B3GALT1: variants seen among roughly 807,000 people sequenced by gnomAD.
The protein encoded by B3GALT1 is UDP-Gal:betaGlcNAc beta 1,3-galactosyltransferase, polypeptide 1.
Under a neutral mutation model 23.2 loss-of-function variants are expected in B3GALT1, and 10 were observed. That is an observed-to-expected ratio of 0.43 (90% CI 0.27 to 0.73). The LOEUF is 0.73. B3GALT1 is among the 30% of genes least tolerant of loss of function. The pLI, the probability that B3GALT1 is intolerant of heterozygous loss-of-function variation, is 0.21. For missense variants in B3GALT1, 299 were observed against 405.4 expected, an observed-to-expected ratio of 0.74 and a Z score of 2.25; for synonymous variants, 156 against 141.5, an observed-to-expected ratio of 1.10 and a Z score of -0.73.
chr2:167,637,098 C>G (rs183305677), intron 2 of B3GALT1, among the ~76,000 whole-genome samples: 1 of 152,116 alleles, frequency 6.6e-6, no homozygotes, highest in East Asian at 1.9e-4. Flanking sequence ...GATATTTTGG[C>G]TCTCACCCAT....
At chr2:167,415,033 C>G (rs1226267834) in intron 1 of B3GALT1, among the ~76,000 whole-genome samples, 1 of 152,134 alleles carries the variant, frequency 6.6e-6, no homozygotes, top group Non-Finnish European at 1.5e-5. Flanking sequence ...TGTAGCAACT[C>G]GAATGAGATA....
intron 1 of B3GALT1, among the ~76,000 whole-genome samples, chr2:167,489,719 C>A (rs1326131436): frequency 6.6e-6 from 1 of 151,922 alleles, no homozygotes; most frequent in Non-Finnish European, 1.5e-5. Context: ...AGATTAGGAA[C>A]CAAATGTGTT....
At chr2:167,811,722 G>A (rs1049255579) in intron 3 of B3GALT1, among the ~76,000 whole-genome samples, 3 of 152,150 alleles carry the variant, frequency 2.0e-5, no homozygotes, top group South Asian at 2.1e-4. Context: ...TCTTCTGGGG[G>A]CTGCTGCAGC....
intron 1 of B3GALT1, among the ~76,000 whole-genome samples, chr2:167,412,008 A>G (rs919636848): frequency 2.0e-5 from 3 of 152,126 alleles, no homozygotes; most frequent in South Asian, 4.1e-4. Flanking sequence ...TGTGGAGCTC[A>G]TGAAGACAGA....
intron 3 of B3GALT1, among the ~76,000 whole-genome samples, chr2:167,669,394 A>G (rs1686280112): frequency 6.6e-6 from 1 of 152,212 alleles, no homozygotes; most frequent in Admixed American, 6.5e-5. Context: ...TTCAAGTTAT[A>G]TTGAATATGG....
intron 3 of B3GALT1, among the ~76,000 whole-genome samples, chr2:167,751,423 G>A (rs1270344164): frequency 6.6e-6 from 1 of 152,186 alleles, no homozygotes; most frequent in East Asian, 1.9e-4. Flanking sequence ...GTTTTCCCAG[G>A]TATTAATAAT....
chr2:167,376,288 A>C (rs1437070540), intron 1 of B3GALT1, among the ~76,000 whole-genome samples: 1 of 152,050 alleles, frequency 6.6e-6, no homozygotes, highest in Non-Finnish European at 1.5e-5. Flanking sequence ...TCATTAGGGA[A>C]ACTGGCTTGT....
intron 1 of B3GALT1, among the ~76,000 whole-genome samples, chr2:167,331,080 G>T (rs1272699068): frequency 6.6e-6 from 1 of 152,032 alleles, no homozygotes; most frequent in African/African-American, 2.4e-5. Flanking sequence ...GTACAGTCTG[G>T]TGTTATGATT....
chr2:167,852,444 C>T (rs1314477864), intron 4 of B3GALT1, among the ~76,000 whole-genome samples: 1 of 149,724 alleles, frequency 6.7e-6, no homozygotes, highest in Non-Finnish European at 1.5e-5. Flanking sequence ...TTAGGTTTCC[C>T]AACTGTCTCT....
At chr2:167,587,627 T>C (rs1483895021) in intron 2 of B3GALT1, among the ~76,000 whole-genome samples, 2 of 152,206 alleles carry the variant, frequency 1.3e-5, no homozygotes, top group Non-Finnish European at 2.9e-5. Flanking sequence ...GCGTTGACTT[T>C]TTAACCATAG....
chr2:167,451,886 G>C (rs1699097971), intron 1 of B3GALT1, among the ~76,000 whole-genome samples: 1 of 152,154 alleles, frequency 6.6e-6, no homozygotes, highest in Non-Finnish European at 1.5e-5. Context: ...TGGCGGTGTG[G>C]TTCTCAGGCC....
chr2:167,456,017 A>T (rs1699168704), intron 1 of B3GALT1, among the ~76,000 whole-genome samples: 1 of 152,180 alleles, frequency 6.6e-6, no homozygotes. Flanking sequence ...ATATAAGAGA[A>T]ATGAATATGA....
chr2:167,471,660 T>TA lies in B3GALT1; in HGVS notation c.-510-18509dup, dbSNP rs969711855. Among the ~76,000 whole-genome samples the TA allele has an allele frequency of 2.1e-4, 32 of 152,112 alleles. 1 individual carries two copies. The highest frequency in any genetic ancestry group is 1.2e-3 in the South Asian group (6 of 4,818). ...TTACTTATAAGATTATTCAACAGTA[T>TA]AAAAAAAATGAAAACACTGCCTAAT... On this transcript the variant is annotated intron_variant, in intron 1 of 4. Coordinates refer to ENST00000392690, the MANE Select transcript of B3GALT1 (RefSeq NM_020981.4).
At chr2:167,331,261 C>T (rs2105239987) in intron 1 of B3GALT1, among the ~76,000 whole-genome samples, 1 of 152,284 alleles carries the variant, frequency 6.6e-6, no homozygotes, top group Non-Finnish European at 1.5e-5. Flanking sequence ...TGCCCTTGAG[C>T]CCCATGGCAG....
intron 1 of B3GALT1, among the ~76,000 whole-genome samples, chr2:167,377,770 A>G (rs1019248070): frequency 8.5e-5 from 13 of 152,094 alleles, no homozygotes; most frequent in Admixed American, 8.5e-4. Context: ...TTGTTTTTTA[A>G]TTCAACTTGC....
intron 3 of B3GALT1, among the ~76,000 whole-genome samples, chr2:167,753,304 G>A (rs1300346664): frequency 6.6e-6 from 1 of 152,222 alleles, no homozygotes; most frequent in African/African-American, 2.4e-5. Flanking sequence ...CTGTGAGCAA[G>A]AGACAGGCCC....
intron 3 of B3GALT1, among the ~76,000 whole-genome samples, chr2:167,704,956 G>T (rs1276027434): frequency 6.6e-6 from 1 of 152,054 alleles, no homozygotes; most frequent in African/African-American, 2.4e-5. Flanking sequence ...GAGAAAGTTT[G>T]GGATAGGTGT....
intron 3 of B3GALT1, among the ~76,000 whole-genome samples, chr2:167,777,373 GTC>G (rs930696274): frequency 3.9e-5 from 6 of 152,140 alleles, no homozygotes; most frequent in African/African-American, 1.4e-4. Flanking sequence ...TTGAGACAGA[GTC>G]TTGCTCTGTT....
intron 2 of B3GALT1, among the ~76,000 whole-genome samples, chr2:167,557,077 AATAAT>A (rs1683866138): frequency 6.6e-6 from 1 of 152,184 alleles, no homozygotes; most frequent in Non-Finnish European, 1.5e-5. Context: ...ATTGTAGAAA[AATAAT>A]ATACTGCCTT....
Sources: allele counts gnomAD v4.1 joint callset (sites outside exome capture counted in the v4.1 genomes callset), GRCh38; gene constraint gnomAD v4.1.1; transcripts MANE v1.5; gene names NCBI Gene and HGNC (gene_info 2026-07-23, HGNC 2026-07-21).